The following ZNF562 variants were observed in gnomAD, a reference collection of about 807,000 sequenced individuals.
ZNF562 encodes zinc finger protein 562.
Under a neutral mutation model 17.5 loss-of-function variants are expected in ZNF562, and 13 were observed. That is an observed-to-expected ratio of 0.74 (90% CI 0.48 to 1.18). The LOEUF is 1.18. Ranked by LOEUF, ZNF562 falls within the 50% of genes most tolerant of loss-of-function variation. The pLI, the probability that ZNF562 is intolerant of heterozygous loss-of-function variation, is 0.00. For missense variants in ZNF562, 481 were observed against 498.5 expected, an observed-to-expected ratio of 0.96 and a Z score of 0.33; for synonymous variants, 163 against 165.4, an observed-to-expected ratio of 0.99 and a Z score of 0.11.
At chr19:9,666,824 C>G (rs2043975417) in intron 1 of ZNF562, among the ~76,000 whole-genome samples, 4 of 151,966 alleles carry the variant, frequency 2.6e-5, no homozygotes, top group Admixed American at 6.6e-5. Context: ...AAGACTGAAC[C>G]ATGAAGAAAT....
chr19:9,653,621 G>C lies in ZNF562; in HGVS notation c.609C>G (p.Pro203=), dbSNP rs1190197851. The part of the protein sequence containing the change: ...VHLEILNGRQ[P]YKCKECGKGF... ...CTTTTCCACATTCCTTACATTTGTAGGGTTGTCTTCCATTGAGAATTTCAA... is the reference window on the plus strand; with the variant it reads ...CTTTTCCACATTCCTTACATTTGTACGGTTGTCTTCCATTGAGAATTTCAA... The change falls in exon 6 of 6, where the codon CCC becomes CCG. Residue 203 remains proline, a synonymous_variant. Coordinates refer to ENST00000453372, the MANE Select transcript of ZNF562 (RefSeq NM_001130031.2). The C allele has an allele frequency of 4.3e-6, 7 of 1,613,940 alleles. No homozygotes were observed. Among genetic ancestry groups the C allele is most frequent in the African/African-American group, 2.7e-5 (2 of 74,914 alleles).
intron 1 of ZNF562, among the ~76,000 whole-genome samples, chr19:9,662,792 A>G (rs1295830095): frequency 6.6e-6 from 1 of 151,972 alleles, no homozygotes; most frequent in Non-Finnish European, 1.5e-5. Context: ...AGGCAGGACA[A>G]TGGCGTGAAC....
At position 9,645,808 on chromosome 19, in the gene ZNF562, T is replaced by G. The variant is rs1208873516; in HGVS notation, c.*7141A>C. The G allele has an allele frequency of 6.6e-6, 1 of 152,192 alleles. No homozygotes were observed. The highest frequency in any genetic ancestry group is 2.4e-5 in the African/African-American group (1 of 41,438). 9.4% of individuals were successfully genotyped at this position (152,192 alleles called of 1,614,324 possible). ...ATTCAAACAGTGTAGTGCACTTAGT[T>G]AGAAAGAAAAGGTATTAAGGAAGAC... On this transcript the variant is annotated 3_prime_UTR_variant, in exon 6 of 6. Transcript: ENST00000453372.
intron 1 of ZNF562, among the ~76,000 whole-genome samples, chr19:9,671,899 A>G (rs1385552587): frequency 6.6e-6 from 1 of 152,206 alleles, no homozygotes; most frequent in Non-Finnish European, 1.5e-5. Context: ...TGAAGTAACT[A>G]AGGCTGAACT....
chr19:9,668,787 A>C (rs1463267986), intron 1 of ZNF562, among the ~76,000 whole-genome samples: 1 of 151,956 alleles, frequency 6.6e-6, no homozygotes, highest in East Asian at 1.9e-4. Flanking sequence ...GATCAATGGA[A>C]GAGAACAAAG....
At chr19:9,664,700 G>A (rs2043879818) in intron 1 of ZNF562, among the ~76,000 whole-genome samples, 1 of 152,200 alleles carries the variant, frequency 6.6e-6, no homozygotes, top group Admixed American at 6.5e-5. Flanking sequence ...AGCACTTTGG[G>A]AGGCTGATGC....
chr19:9,668,911 A>G (rs2044046723), intron 1 of ZNF562, among the ~76,000 whole-genome samples: 1 of 152,188 alleles, frequency 6.6e-6, no homozygotes, highest in South Asian at 2.1e-4. Context: ...AAAACTGGAT[A>G]ACCATATGCA....
In ZNF562 at chr19:9,650,211, C is replaced by A. The variant is rs891920974; in HGVS notation, c.*2738G>T. ...GCGGGTTAAAATCAGTCCAGTAAAG[C>A]AAGAAAATATTTAGAGAGAGCTTCA... On this transcript the variant is annotated 3_prime_UTR_variant, in exon 6 of 6. Transcript: ENST00000453372. 8 of 151,938 alleles carry A rather than the reference C, an allele frequency of 5.3e-5. No homozygotes were observed. Among genetic ancestry groups the A allele is most frequent in the African/African-American group, 1.9e-4 (8 of 41,350 alleles). The allele number at this position is 151,938 out of a possible 1,614,324, so 9.4% of individuals were successfully genotyped here. A position where few individuals can be genotyped will look rare whatever the true frequency, so the allele number is the denominator to read the frequency against.
At chr19:9,662,487 G>A (rs1475547040) in intron 1 of ZNF562, among the ~76,000 whole-genome samples, 6 of 151,716 alleles carry the variant, frequency 4.0e-5, no homozygotes, top group Non-Finnish European at 5.9e-5. Flanking sequence ...GCTTGATCCC[G>A]GGAGGCAGAG....
At chr19:9,658,251 G>A in intron 3 of ZNF562, 116 bp from the exon 4 acceptor site, 1 of 1,396,788 alleles carries the variant, frequency 7.2e-7, no homozygotes, top group Non-Finnish European at 9.4e-7. Flanking sequence ...AGTCTCCCAT[G>A]ATCTACTCCA....
In ZNF562 at chr19:9,653,760, C is replaced by A. The variant is rs1268023630; in HGVS notation, c.470G>T (p.Cys157Phe). Residue 157 changes from cysteine (C) to phenylalanine (F), a missense_variant, in exon 6 of 6, where the codon TGT becomes TTT. By Grantham distance (205) the Cys-to-Phe change is radical. Coordinates refer to ENST00000453372, the MANE Select transcript of ZNF562 (RefSeq NM_001130031.2). ...QNGGNTFEGN[C>F]YGKDSISVHK... is the part of the protein sequence containing the mutation. ...CACACTGATGCTGTCTTTTCCATAA[C>A]AATTACCCTCAAAAGTGTTCCCTCC... The A allele has an allele frequency of 4.3e-6, 7 of 1,614,068 alleles. No individual in the cohort carries two copies. Among genetic ancestry groups the A allele is most frequent in the Non-Finnish European group, 5.9e-6 (7 of 1,179,962 alleles).
chr19:9,654,055 A>G (rs1177558148), intron 5 of ZNF562, among the ~76,000 whole-genome samples, 174 bp from the exon 6 acceptor site: 1 of 151,568 alleles, frequency 6.6e-6, no homozygotes, highest in Non-Finnish European at 1.5e-5. Flanking sequence ...CAGTGGCACA[A>G]TCTCTGCTAA....
chr19:9,652,647 C>T lies in ZNF562; in HGVS notation c.*302G>A. 4.6e-6 allele frequency: 1 copy of T among 218,730 alleles called. No homozygotes were observed. The highest frequency in any genetic ancestry group is 1.0e-4 in the East Asian group (1 of 9,974). The allele number at this position is 218,730 out of a possible 1,614,324, so 13.5% of individuals were successfully genotyped here. A position where few individuals can be genotyped will look rare whatever the true frequency, so the allele number is the denominator to read the frequency against. On this transcript the variant is annotated 3_prime_UTR_variant, in exon 6 of 6. Transcript: ENST00000453372. ...CAGAACCTGTAGGTTTAATTTCAGA[C>T]CCTCGGGATGCATCTAAGGCCAATC... is the stretch of plus-strand genomic sequence containing the variant.
intron 2 of ZNF562, 120 bp downstream of exon 2, chr19:9,660,600 C>G: frequency 1.0e-6 from 1 of 961,206 alleles, no homozygotes; most frequent in South Asian, 1.8e-5. Context: ...GAGCAAAACT[C>G]CATCTAAAAG....
chr19:9,663,569 G>T (rs1294326020), intron 1 of ZNF562, among the ~76,000 whole-genome samples: 1 of 149,180 alleles, frequency 6.7e-6, no homozygotes, highest in East Asian at 2.0e-4. Flanking sequence ...GTGTAGATGG[G>T]TTTTTTTTTG....
intron 1 of ZNF562, among the ~76,000 whole-genome samples, chr19:9,663,340 G>A (rs945912577): frequency 6.6e-6 from 1 of 150,880 alleles, no homozygotes; most frequent in Non-Finnish European, 1.5e-5. Flanking sequence ...GAACCCAGGA[G>A]GTGGAGCTTG....
intron 1 of ZNF562, among the ~76,000 whole-genome samples, chr19:9,665,392 AG>A (rs1304687165): frequency 2.0e-5 from 3 of 152,136 alleles, no homozygotes; most frequent in Non-Finnish European, 4.4e-5. Context: ...ACTGAGCTCA[AG>A]GTGGACAACC....
At chr19:9,672,367 T>C (rs2145055975) in intron 1 of ZNF562, among the ~76,000 whole-genome samples, 1 of 152,300 alleles carries the variant, frequency 6.6e-6, no homozygotes, top group South Asian at 2.1e-4. Flanking sequence ...CATTACAAAG[T>C]ATTTAAAGGT....
At position 9,646,210 on chromosome 19, in the gene ZNF562, T is replaced by C. The variant is rs556397045; in HGVS notation, c.*6739A>G. 1 of 152,270 alleles carries C rather than the reference T, an allele frequency of 6.6e-6. No homozygotes were observed. The highest frequency in any genetic ancestry group is 2.4e-5 in the African/African-American group (1 of 41,494). 9.4% of individuals were successfully genotyped at this position (152,270 alleles called of 1,614,324 possible). A position where few individuals can be genotyped will look rare whatever the true frequency, so the allele number is the denominator to read the frequency against. The stretch of plus-strand genomic sequence containing the variant: ...CCTCAGCCTCCCAAGTAGCTGGCAT[T>C]ACAGGCATGCACCACTAGGCACAGC... On this transcript the variant is annotated 3_prime_UTR_variant, in exon 6 of 6. Transcript: ENST00000453372.
Sources: gnomAD v4.1 joint callset for allele counts (sites outside exome capture counted in the v4.1 genomes callset) on GRCh38, gnomAD v4.1.1 for gene constraint, MANE v1.5 for transcripts, NCBI Gene and HGNC (gene_info 2026-07-23, HGNC 2026-07-21) for gene names.